MICAL2: variants seen among roughly 807,000 people sequenced by gnomAD.
The protein encoded by MICAL2 is microtubule associated monooxygenase, calponin and LIM domain containing 2.
In MICAL2, 77 loss-of-function variants were observed where a neutral mutation model predicts 127.3. The ratio of observed to expected loss-of-function variants is 0.60; its 90% CI spans 0.50 to 0.73. The LOEUF is 0.73. MICAL2 is among the 30% of genes least tolerant of loss of function. The probability of loss-of-function intolerance (pLI) is 0.00; values close to 1 mark genes in which losing one functional copy is unlikely to be tolerated. For missense variants in MICAL2, 1,351 were observed against 1,434.4 expected (o/e 0.94, Z 0.94); for synonymous variants, 570 against 551.1 (o/e 1.03, Z -0.48).
downstream of MICAL2, among the ~76,000 whole-genome samples, chr11:12,265,107 T>C (rs1471885673): frequency 1.3e-5 from 2 of 152,212 alleles, no homozygotes; most frequent in African/African-American, 2.4e-5. Context: ...AAGGAGTCCA[T>C]GATCACAACA....
intron 1 of MICAL2, among the ~76,000 whole-genome samples, chr11:12,115,535 TCTCAAA>T (rs1849938036): frequency 6.6e-6 from 1 of 152,126 alleles, no homozygotes; most frequent in African/African-American, 2.4e-5. Context: ...CCCAGGCTGG[TCTCAAA>T]CTCCTGAGCT....
At chr11:12,231,587 G>C (rs1305828277) in intron 15 of MICAL2, among the ~76,000 whole-genome samples, 1 of 152,158 alleles carries the variant, frequency 6.6e-6, no homozygotes, top group African/African-American at 2.4e-5. Flanking sequence ...CTCAGTACTG[G>C]GGATGGAGCA....
At chr11:12,245,914 C>G (rs540881819) in intron 21 of MICAL2, among the ~76,000 whole-genome samples, 4 of 152,360 alleles carry the variant, frequency 2.6e-5, no homozygotes, top group African/African-American at 7.2e-5. Flanking sequence ...TAGGCACGGA[C>G]CAGGCAGTGG....
At position 12,204,285 on chromosome 11, in the gene MICAL2, C is replaced by T; in HGVS notation, c.300C>T (p.Arg100=). 3 of 1,613,962 alleles carry T rather than the reference C, an allele frequency of 1.9e-6. No homozygotes were observed. The highest frequency in any genetic ancestry group is 2.5e-6 in the Non-Finnish European group (3 of 1,180,020). Reference sequence around the variant, plus strand: ...TTGGGGGAGGACCCTGTGGCTTGCGCACTGCCATTGAACTTGCCTACCTGG... The same window carrying T: ...TTGGGGGAGGACCCTGTGGCTTGCGTACTGCCATTGAACTTGCCTACCTGG... ...LIVGGGPCGL[R]TAIELAYLGA... The change falls in exon 4 of 28, where the codon CGC becomes CGT. Residue 100 remains arginine (R), a synonymous_variant. Transcript: ENST00000683283.
At chr11:12,343,268 C>T (rs368083913) in intron 32 of MICAL2, among the ~76,000 whole-genome samples, 4 of 151,866 alleles carry the variant, frequency 2.6e-5, no homozygotes, top group African/African-American at 4.8e-5. Flanking sequence ...ATTAGCCAGG[C>T]ATGGTGGCAG....
chr11:12,242,505 C>T, intron 19 of MICAL2, 73 bp downstream of exon 19: 2 of 1,514,950 alleles, frequency 1.3e-6, no homozygotes, highest in Non-Finnish European at 1.8e-6. Context: ...CTCCTCCTAC[C>T]CGGGTGGGTT....
chr11:12,301,136 TC>T (rs1280002203), intron 29 of MICAL2, among the ~76,000 whole-genome samples: 6 of 152,098 alleles, frequency 3.9e-5, no homozygotes, highest in Non-Finnish European at 7.4e-5. Context: ...CCATCAGATC[TC>T]ATGAGACTTT....
intron 32 of MICAL2, among the ~76,000 whole-genome samples, chr11:12,340,351 T>C (rs1565310135): frequency 6.6e-6 from 1 of 152,184 alleles, no homozygotes; most frequent in Non-Finnish European, 1.5e-5. Flanking sequence ...TGGAAAACTA[T>C]TAAATTATTA....
intron 1 of MICAL2, among the ~76,000 whole-genome samples, chr11:12,127,539 G>A (rs60727959): frequency 0.02 from 3,095 of 152,272 alleles, 98 homozygotes; most frequent in African/African-American, 0.07. Context: ...CATGGAGAGG[G>A]GAGCAGCTCG....
chr11:12,349,958 A>G, intron 33 of MICAL2: 5 of 1,604,424 alleles, frequency 3.1e-6, no homozygotes, highest in Non-Finnish European at 4.3e-6. Context: ...CAACACAGAT[A>G]CCAGCGAGTC....
intron 1 of MICAL2, among the ~76,000 whole-genome samples, chr11:12,134,507 C>T (rs1851683185): frequency 6.6e-6 from 1 of 152,208 alleles, no homozygotes; most frequent in African/African-American, 2.4e-5. Flanking sequence ...TTGCAGTGGC[C>T]TCCCCTCACT....
chr11:12,234,689 G>C lies in MICAL2; in HGVS notation c.1996-1488G>C, dbSNP rs558170589. ...TCTTTAAAAACAAACAAAAAAATCT[G>C]GTGCTGGTAAATATGGGGAGAGGGC... On this transcript the variant is annotated intron_variant, in intron 15 of 27. Transcript: ENST00000683283. Among the ~76,000 whole-genome samples the C allele has an allele frequency of 8.5e-5, 13 of 152,318 alleles. No homozygotes were observed. In the East Asian group the frequency reaches 2.5e-3, roughly 29 times the overall value.
At chr11:12,301,401 T>C (rs1214972783) in intron 29 of MICAL2, among the ~76,000 whole-genome samples, 1 of 152,218 alleles carries the variant, frequency 6.6e-6, no homozygotes, top group Non-Finnish European at 1.5e-5. Flanking sequence ...TGCCTTCTGT[T>C]TTTGGGCATT....
intron 15 of MICAL2, among the ~76,000 whole-genome samples, chr11:12,234,587 C>G (rs1346086654): frequency 1.3e-5 from 2 of 152,170 alleles, no homozygotes; most frequent in African/African-American, 4.8e-5. Context: ...AAGGCAGGGC[C>G]CTTTGATGTG....
At chr11:12,269,428 G>A (rs1407451769) in intron 24 of MICAL2, among the ~76,000 whole-genome samples, 1 of 152,242 alleles carries the variant, frequency 6.6e-6, no homozygotes, top group East Asian at 1.9e-4. Flanking sequence ...CTCCAGACAT[G>A]CTGCTGTTAG....
chr11:12,180,723 G>A (rs1357318665), intron 3 of MICAL2, among the ~76,000 whole-genome samples: 4 of 151,360 alleles, frequency 2.6e-5, no homozygotes, highest in Non-Finnish European at 5.9e-5. Flanking sequence ...ATTTCCTGGG[G>A]ATAAACGGAA....
intron 1 of MICAL2, among the ~76,000 whole-genome samples, chr11:12,130,069 C>T (rs751024413): frequency 3.9e-5 from 6 of 152,186 alleles, no homozygotes; most frequent in Non-Finnish European, 8.8e-5. Context: ...GAACTAAGCA[C>T]ATGGTGATGG....
At chr11:12,165,138 C>CA (rs1207353830) in intron 3 of MICAL2, among the ~76,000 whole-genome samples, 18,296 of 72,720 alleles carry the variant, frequency 0.25, 1,607 homozygotes, top group Admixed American at 0.28. Flanking sequence ...GACTCCATCT[C>CA]AAAAAAAAAA....
At chr11:12,225,880 T>A (rs1170073697) in intron 13 of MICAL2, 2 of 417,992 alleles carry the variant, frequency 4.8e-6, no homozygotes, top group Non-Finnish European at 8.7e-6. Flanking sequence ...GGGATATATT[T>A]AAAAGTAAAA....
Sources: gnomAD v4.1 joint callset for allele counts (sites outside exome capture counted in the v4.1 genomes callset) on GRCh38, gnomAD v4.1.1 for gene constraint, MANE v1.5 for transcripts, NCBI Gene and HGNC (gene_info 2026-07-23, HGNC 2026-07-21) for gene names.